Variants in NFIB observed in about 807,000 individuals in gnomAD.
NFIB encodes nuclear factor I B.
A neutral mutation model predicts 61.5 loss-of-function variants in NFIB; 11 were observed. That is an observed-to-expected ratio of 0.18 (90% CI 0.11 to 0.30). The LOEUF is 0.30. Among genes scored for constraint, NFIB ranks in the 10% least tolerant of loss-of-function variants. NFIB has a pLI of 1.00. For missense variants in NFIB, 471 were observed against 608.9 expected, an observed-to-expected ratio of 0.77 and a Z score of 2.38; for synonymous variants, 260 against 216.5, an observed-to-expected ratio of 1.20 and a Z score of -1.76.
intron 1 of NFIB, among the ~76,000 whole-genome samples, chr9:14,365,145 A>T (rs1298348874): frequency 6.6e-5 from 10 of 152,222 alleles, no homozygotes; most frequent in Non-Finnish European, 1.5e-5. Flanking sequence ...GACTTAGTAA[A>T]TGTTGGCTAT....
At chr9:14,444,421 G>C in the NFIB span, among the ~76,000 whole-genome samples, 4 of 152,132 alleles carry the variant, frequency 2.6e-5, no homozygotes, top group Non-Finnish European at 5.9e-5. Flanking sequence ...ATTGACACTT[G>C]GGCTGCTTGA....
At chr9:14,340,424 C>G (rs1454837369) in intron 1 of NFIB, among the ~76,000 whole-genome samples, 9 of 152,226 alleles carry the variant, frequency 5.9e-5, no homozygotes, top group South Asian at 4.1e-4. Context: ...GCCCACACCA[C>G]ACTCGTAGCA....
At chr9:14,462,678 T>C in the NFIB span, among the ~76,000 whole-genome samples, 1 of 152,192 alleles carries the variant, frequency 6.6e-6, no homozygotes, top group Non-Finnish European at 1.5e-5. Context: ...CTCTGGGTTT[T>C]AGAGTTCTTA....
At chr9:14,259,193 T>TA (rs2056510829) in intron 2 of NFIB, among the ~76,000 whole-genome samples, 1 of 152,178 alleles carries the variant, frequency 6.6e-6, no homozygotes, top group Non-Finnish European at 1.5e-5. Flanking sequence ...TTCTTTGTTT[T>TA]AAAAATAAAA....
intron 2 of NFIB, among the ~76,000 whole-genome samples, chr9:14,221,362 T>A (rs1181428867): frequency 6.6e-6 from 1 of 152,216 alleles, no homozygotes; most frequent in East Asian, 1.9e-4. Flanking sequence ...CTATAAGGTA[T>A]AAATAGATTT....
the NFIB span, among the ~76,000 whole-genome samples, chr9:14,467,284 A>G: frequency 5.3e-5 from 8 of 152,184 alleles, no homozygotes; most frequent in African/African-American, 1.4e-4. Context: ...ACCTTACCTG[A>G]GTCACTGAGA....
chr9:14,503,291 C>T, the NFIB span, among the ~76,000 whole-genome samples: 1 of 151,930 alleles, frequency 6.6e-6, no homozygotes, highest in Non-Finnish European at 1.5e-5. Flanking sequence ...ACTTGTTTTC[C>T]TCTGGGTAGA....
intron 2 of NFIB, among the ~76,000 whole-genome samples, chr9:14,263,222 T>C (rs1045213279): frequency 4.6e-5 from 7 of 151,978 alleles, no homozygotes; most frequent in African/African-American, 9.7e-5. Context: ...GTTTTTTTTT[T>C]CCCTTACTGC....
intron 1 of NFIB, among the ~76,000 whole-genome samples, chr9:14,388,778 A>G (rs1402065160): frequency 2.6e-5 from 4 of 152,150 alleles, no homozygotes; most frequent in Non-Finnish European, 5.9e-5. Context: ...AATAAAACAA[A>G]TGTGGCAATA....
intron 9 of NFIB, among the ~76,000 whole-genome samples, chr9:14,114,107 T>A (rs2037787861): frequency 6.6e-6 from 1 of 152,200 alleles, no homozygotes; most frequent in Non-Finnish European, 1.5e-5. Flanking sequence ...TGAACTGGCT[T>A]TCTAAAACCA....
intron 4 of NFIB, 30 bp downstream of exon 4, chr9:14,155,795 G>A: frequency 7.4e-7 from 1 of 1,354,632 alleles, no homozygotes; most frequent in Non-Finnish European, 1.0e-6. Context: ...CATACTGCAT[G>A]CTTAAGTAGT....
the NFIB span, among the ~76,000 whole-genome samples, chr9:14,481,197 G>GTGTGTATATATATA: frequency 2.6e-4 from 12 of 45,840 alleles, no homozygotes; most frequent in South Asian, 9.9e-4. Flanking sequence ...GTGTGTGTGT[G>GTGTGTATATATATA]TATATATATA....
At chr9:14,275,752 TGGCACTAAAAATAGATAAATAC>T (rs1416129275) in intron 2 of NFIB, among the ~76,000 whole-genome samples, 1 of 152,126 alleles carries the variant, frequency 6.6e-6, no homozygotes, top group African/African-American at 2.4e-5. Flanking sequence ...AATTTTCAAA[TGGCACTAAAAATAGATAAATAC>T]GGCAGTAAGA....
At chr9:14,196,643 T>G (rs2048500937) in intron 2 of NFIB, among the ~76,000 whole-genome samples, 1 of 151,368 alleles carries the variant, frequency 6.6e-6, no homozygotes, top group South Asian at 2.1e-4. Flanking sequence ...GAAATCAGGT[T>G]GAAAGATTAG....
At chr9:14,162,854 C>T (rs555109728) in intron 3 of NFIB, among the ~76,000 whole-genome samples, 1 of 152,062 alleles carries the variant, frequency 6.6e-6, no homozygotes, top group East Asian at 1.9e-4. Context: ...CGTTATTTTA[C>T]AGTTTACTAA....
chr9:14,102,327 A>T, intron 10 of NFIB: 1 of 1,067,074 alleles, frequency 9.4e-7, no homozygotes, highest in Non-Finnish European at 1.4e-6. Context: ...CTAAATTTTT[A>T]ACATATATTT....
Position 14,119,790 on chromosome 9 carries a change from A to G in NFIB, c.1245+650T>C, listed in dbSNP as rs200045706. 2.7e-4 allele frequency among the ~76,000 whole-genome samples: 41 copies of G among 152,330 alleles called. No homozygotes were observed. In the East Asian group the frequency reaches 2.9e-3, roughly 11 times the overall value. ...ATGCTCATATACCAAATTCCTATGA[A>G]GTAACCTCTTGGTAGAAGAAACCAT... On this transcript the variant is annotated intron_variant, in intron 8 of 10. Coordinates refer to ENST00000380953, the MANE Select transcript of NFIB (RefSeq NM_001190737.2).
intron 2 of NFIB, among the ~76,000 whole-genome samples, chr9:14,278,344 G>A (rs192347695): frequency 5.4e-4 from 83 of 152,326 alleles, no homozygotes; most frequent in African/African-American, 1.8e-3. Context: ...TAATTGAGTC[G>A]TGCGAAGCTA....
chr9:14,426,233 T>C, the NFIB span, among the ~76,000 whole-genome samples: 1 of 152,168 alleles, frequency 6.6e-6, no homozygotes, highest in Non-Finnish European at 1.5e-5. Flanking sequence ...ATCTTACTAA[T>C]CACTCCATGA....
Sources: gnomAD v4.1 joint callset for allele counts (sites outside exome capture counted in the v4.1 genomes callset) on GRCh38, gnomAD v4.1.1 for gene constraint, MANE v1.5 for transcripts, NCBI Gene and HGNC (gene_info 2026-07-23, HGNC 2026-07-21) for gene names.